The following NBAS variants were observed in gnomAD, a reference collection of about 807,000 sequenced individuals.
NBAS encodes the protein NBAS subunit of NRZ tethering complex, also known as NAG/BC035112 fusion.
In NBAS, 219 loss-of-function variants were observed where a neutral mutation model predicts 302.5. That is an observed-to-expected ratio of 0.72 (90% CI 0.65 to 0.81). The LOEUF is 0.81. NBAS is among the 30% of genes least tolerant of loss of function. The pLI, the probability that NBAS is intolerant of heterozygous loss-of-function variation, is 0.00. For synonymous variants in NBAS, 1,118 were observed against 1,021.6 expected (o/e 1.09, Z -1.80); for missense variants, 2,932 against 2,841.6 (o/e 1.03, Z -0.72).
chr2:15,298,778 C>T (rs1278092445), intron 40 of NBAS, among the ~76,000 whole-genome samples: 2 of 152,128 alleles, frequency 1.3e-5, no homozygotes, highest in African/African-American at 2.4e-5. Flanking sequence ...ATTAAAGTTT[C>T]GAAAGCATTT....
the NBAS span, among the ~76,000 whole-genome samples, chr2:14,810,989 A>G: frequency 3.3e-5 from 5 of 152,258 alleles, no homozygotes; most frequent in Admixed American, 1.3e-4. Context: ...AAGTGAGGTA[A>G]GAACATCCAA....
intron 9 of NBAS, among the ~76,000 whole-genome samples, chr2:15,527,768 T>C (rs1418200189): frequency 6.6e-6 from 1 of 152,060 alleles, no homozygotes; most frequent in African/African-American, 2.4e-5. Context: ...CAATAAAATG[T>C]GGTGTATTTA....
At chr2:15,053,657 G>A in the NBAS span, among the ~76,000 whole-genome samples, 8 of 151,994 alleles carry the variant, frequency 5.3e-5, no homozygotes, top group East Asian at 3.9e-4. Flanking sequence ...CTGCAGACCC[G>A]GGGGGATCTC....
intron 35 of NBAS, among the ~76,000 whole-genome samples, chr2:15,334,092 A>C (rs940193375): frequency 1.3e-5 from 2 of 152,210 alleles, no homozygotes; most frequent in Admixed American, 6.5e-5. Context: ...AAAAATTATA[A>C]TACTACTTGA....
chr2:15,001,031 C>T, the NBAS span, among the ~76,000 whole-genome samples: 1 of 152,172 alleles, frequency 6.6e-6, no homozygotes. Context: ...CACGGCACCC[C>T]TCCCACAGGC....
chr2:15,059,360 CT>C, the NBAS span, among the ~76,000 whole-genome samples: 10 of 151,662 alleles, frequency 6.6e-5, no homozygotes, highest in South Asian at 4.2e-4. Flanking sequence ...TGGATTTTTT[CT>C]TTTTTTTTAT....
Position 15,542,230 on chromosome 2 carries a change from T to G in NBAS, c.380-2874A>C, listed in dbSNP as rs1170271000. ...AGATTGAGAAATCGGATGGTTGCCG[T>G]GTCTGTGTAGAAAGAAGTAGACATG... On this transcript the variant is annotated intron_variant, in intron 6 of 51. Transcript: ENST00000281513. Among the ~76,000 whole-genome samples the G allele has an allele frequency of 6.8e-5, 6 of 87,792 alleles. 1 individual carries two copies. The highest frequency in any genetic ancestry group is 2.3e-4 in the Admixed American group (2 of 8,636). The allele number at this position is 87,792 out of a possible 152,430, so 57.6% of individuals were successfully genotyped here. A position where few individuals can be genotyped will look rare whatever the true frequency, so the allele number is the denominator to read the frequency against.
chr2:15,331,632 T>C (rs572357997), intron 35 of NBAS, among the ~76,000 whole-genome samples: 1 of 152,348 alleles, frequency 6.6e-6, no homozygotes, highest in East Asian at 1.9e-4. Context: ...ATGTTATTCA[T>C]TAAGACACAA....
chr2:15,449,497 A>G lies in NBAS; in HGVS notation c.2339+11704T>C, dbSNP rs116599997. Among the ~76,000 whole-genome samples, 510 of 152,324 alleles carry G rather than the reference A, an allele frequency of 3.3e-3. 2 individuals are homozygous for G. The highest frequency in any genetic ancestry group is 0.011 in the African/African-American group (468 of 41,568). On this transcript the variant is annotated intron_variant, in intron 21 of 51. Coordinates refer to ENST00000281513, the MANE Select transcript of NBAS (RefSeq NM_015909.4). The stretch of plus-strand genomic sequence containing the variant: ...CTCCCCAGAGTACCAGATACATAAC[A>G]AATATCAATGTCAACATACTTCCAA...
At chr2:14,808,856 T>C in the NBAS span, among the ~76,000 whole-genome samples, 1 of 152,184 alleles carries the variant, frequency 6.6e-6, no homozygotes, top group Non-Finnish European at 1.5e-5. Context: ...CTGTCAATGA[T>C]ATGGACAATG....
chr2:15,260,572 G>C (rs575995758), intron 44 of NBAS, among the ~76,000 whole-genome samples: 30 of 152,244 alleles, frequency 2.0e-4, no homozygotes, highest in Admixed American at 6.5e-5. Flanking sequence ...GTACAGTGAG[G>C]TGGTCACTGC....
chr2:15,388,137 T>C (rs1006235584), intron 28 of NBAS, among the ~76,000 whole-genome samples: 4 of 152,222 alleles, frequency 2.6e-5, no homozygotes, highest in African/African-American at 9.6e-5. Flanking sequence ...ATTCTTCCAA[T>C]CTATAAACAT....
chr2:15,358,209 CT>C (rs961598830), intron 32 of NBAS, among the ~76,000 whole-genome samples: 5 of 152,250 alleles, frequency 3.3e-5, no homozygotes, highest in Middle Eastern at 3.4e-3. Flanking sequence ...AGCCGGCATA[CT>C]TTACCACAGA....
chr2:14,976,966 A>G, the NBAS span, among the ~76,000 whole-genome samples: 10 of 152,226 alleles, frequency 6.6e-5, no homozygotes, highest in Admixed American at 1.3e-4. Flanking sequence ...TTCAAGTCAT[A>G]AAGTTTGTGG....
At chr2:15,012,141 A>G in the NBAS span, among the ~76,000 whole-genome samples, 2 of 152,240 alleles carry the variant, frequency 1.3e-5, no homozygotes, top group Non-Finnish European at 2.9e-5. Flanking sequence ...TCAGGAAAAT[A>G]TTAAAGAATA....
chr2:15,324,781 G>C (rs1173258850), intron 38 of NBAS, among the ~76,000 whole-genome samples: 1 of 152,200 alleles, frequency 6.6e-6, no homozygotes, highest in Non-Finnish European at 1.5e-5. Flanking sequence ...AACTGGAAGA[G>C]ATCCCTAGTC....
intron 44 of NBAS, among the ~76,000 whole-genome samples, chr2:15,256,789 C>T (rs1204018508): frequency 1.3e-5 from 2 of 152,142 alleles, no homozygotes; most frequent in East Asian, 1.9e-4. Context: ...TTGTCAAATA[C>T]GTTTTCCTGC....
chr2:14,886,174 C>T, the NBAS span, among the ~76,000 whole-genome samples: 7 of 147,378 alleles, frequency 4.7e-5, no homozygotes, highest in Middle Eastern at 3.4e-3. Context: ...AGGTAAGGAC[C>T]GCACAGCCCT....
At chr2:15,034,024 GAAGAGGAGGAGGA>G in the NBAS span, among the ~76,000 whole-genome samples, 18 of 34,000 alleles carry the variant, frequency 5.3e-4, no homozygotes, top group East Asian at 3.9e-3. Flanking sequence ...AGAAGAAGAA[GAAGAGGAGGAGGA>G]AGGAGGAGGA....
Sources: allele counts gnomAD v4.1 joint callset (sites outside exome capture counted in the v4.1 genomes callset), GRCh38; gene constraint gnomAD v4.1.1; transcripts MANE v1.5; gene names NCBI Gene and HGNC (gene_info 2026-07-23, HGNC 2026-07-21).